The following ADRA1D variants were observed in gnomAD, a reference collection of about 807,000 sequenced individuals.
ADRA1D encodes adrenoceptor alpha 1D.
ADRA1D carries 22 observed loss-of-function variants against 18.6 expected under a neutral mutation model. The observed-to-expected ratio is 1.19, with a 90% CI of 0.85 to 1.69. The LOEUF is 1.69. ADRA1D is among the 40% of genes most tolerant of loss of function. ADRA1D has a pLI of 0.00. For missense variants in ADRA1D, 840 were observed against 840.7 expected, an observed-to-expected ratio of 1.00 and a Z score of 0.01; for synonymous variants, 376 against 388.2, an observed-to-expected ratio of 0.97 and a Z score of 0.37.
chr20:4,223,389 C>G (rs1184990037), intron 1 of ADRA1D, among the ~76,000 whole-genome samples: 1 of 152,096 alleles, frequency 6.6e-6, no homozygotes, highest in East Asian at 1.9e-4. Context: ...ATACGCTTCC[C>G]CAGGTGCCTA....
At chr20:4,231,011 C>T (rs1980941198) in intron 1 of ADRA1D, among the ~76,000 whole-genome samples, 1 of 144,030 alleles carries the variant, frequency 6.9e-6, no homozygotes, top group African/African-American at 2.6e-5. Context: ...TCCTTCTTTG[C>T]TTTCTTTTCT....
chr20:4,245,142 G>A (rs1981305633), intron 1 of ADRA1D, among the ~76,000 whole-genome samples: 1 of 152,224 alleles, frequency 6.6e-6, no homozygotes, highest in African/African-American at 2.4e-5. Context: ...GTGGCCTTTT[G>A]CAGTGTTGAT....
At chr20:4,231,249 C>T (rs1045597977) in intron 1 of ADRA1D, among the ~76,000 whole-genome samples, 1 of 132,900 alleles carries the variant, frequency 7.5e-6, no homozygotes, top group African/African-American at 2.7e-5. Flanking sequence ...AGGCATGTGC[C>T]ACTACACCTG....
At chr20:4,244,750 A>T (rs1168069227) in intron 1 of ADRA1D, among the ~76,000 whole-genome samples, 1 of 152,106 alleles carries the variant, frequency 6.6e-6, no homozygotes, top group African/African-American at 2.4e-5. Flanking sequence ...TCCTGCTCCA[A>T]ATGGGCTCTG....
rs777578933 is a variant in ADRA1D, at chr20:4,221,517, G to C, written c.*6C>G. 1.3e-6 allele frequency: 2 copies of C among 1,599,570 alleles called. No individual in the cohort carries two copies. The highest frequency in any genetic ancestry group is 1.7e-6 in the Non-Finnish European group (2 of 1,168,834). On this transcript the variant is annotated 3_prime_UTR_variant, in exon 2 of 2. Coordinates refer to ENST00000379453, the MANE Select transcript of ADRA1D (RefSeq NM_000678.4). ...CAGCACACTCCGCGGCCTAGCTCTG[G>C]GGTCCTTAAATATCGGTCTCCCGTA...
intron 1 of ADRA1D, among the ~76,000 whole-genome samples, chr20:4,238,658 G>A (rs543980331): frequency 6.6e-6 from 1 of 152,342 alleles, no homozygotes; most frequent in East Asian, 1.9e-4. Context: ...CAAGTGCTCA[G>A]CTAGACCCTG....
At chr20:4,246,615 G>T (rs1181941377) in intron 1 of ADRA1D, among the ~76,000 whole-genome samples, 1 of 152,148 alleles carries the variant, frequency 6.6e-6, no homozygotes, top group Non-Finnish European at 1.5e-5. Flanking sequence ...TCCATTGTAG[G>T]AAGGGGGACC....
chr20:4,238,496 T>C (rs971966810), intron 1 of ADRA1D, among the ~76,000 whole-genome samples: 1 of 151,970 alleles, frequency 6.6e-6, no homozygotes, highest in East Asian at 1.9e-4. Context: ...ACAAAGAGGG[T>C]TGAGGAGTAA....
At chr20:4,241,812 A>G (rs1180368133) in intron 1 of ADRA1D, among the ~76,000 whole-genome samples, 1 of 152,220 alleles carries the variant, frequency 6.6e-6, no homozygotes, top group Non-Finnish European at 1.5e-5. Context: ...CCACCAAAGT[A>G]TGCCTTCCAG....
In ADRA1D at chr20:4,222,120, G is replaced by T; in HGVS notation, c.1122C>A (p.Phe374Leu). The T allele has an allele frequency of 6.2e-7, 1 of 1,612,602 alleles. No homozygotes were observed. The highest frequency in any genetic ancestry group is 8.5e-7 in the Non-Finnish European group (1 of 1,179,434). ...FFFVLPLGSL[F>L]PQLKPSEGVF... ...CGCCCTCCGATGGCTTCAGCTGCGG[G>T]AACAAGGAGCCTGTAGGGAGCAGAG... Residue 374 changes from phenylalanine (F) to leucine (L), a missense_variant, in exon 2 of 2, where the codon TTC becomes TTA. Physicochemically the swap from Phe to Leu is conservative, Grantham distance 22 (BLOSUM62 0). Coordinates refer to ENST00000379453, the MANE Select transcript of ADRA1D (RefSeq NM_000678.4). The surrounding 1 kb of genome is among the most constrained non-coding windows in gnomAD (Gnocchi z 4.3).
intron 1 of ADRA1D, among the ~76,000 whole-genome samples, chr20:4,230,215 C>G (rs1386009650): frequency 6.6e-6 from 1 of 152,172 alleles, no homozygotes; most frequent in Admixed American, 6.5e-5. Context: ...CACCTTCTGT[C>G]CTATTTGAGT....
chr20:4,248,812 C>A lies in ADRA1D; in HGVS notation c.146G>T (p.Gly49Val), dbSNP rs993182978. 9.3e-7 allele frequency: 1 copy of A among 1,073,048 alleles called. No homozygotes were observed. The highest frequency in any genetic ancestry group is 1.1e-6 in the Non-Finnish European group (1 of 888,936). 66.5% of individuals were successfully genotyped at this position (1,073,048 alleles called of 1,614,324 possible). ...CACCACGCCGCCGCCGCCGCCCGCG[C>A]CCCCCGGCACGCCGCCCACCGCCGG... ...EGPAVGGVPG[G>V]AGGGGGVVGA... The change falls in exon 1 of 2, where the codon GGC (glycine) becomes GTC (valine). Residue 49 changes from glycine to valine, a missense_variant. Gly to Val is a moderately radical substitution (Grantham distance 109). Transcript: ENST00000379453.
chr20:4,245,295 C>T (rs551671225), intron 1 of ADRA1D, among the ~76,000 whole-genome samples: 157 of 152,258 alleles, frequency 1.0e-3, no homozygotes, highest in African/African-American at 3.6e-3. Context: ...AATTGAAGAA[C>T]GGTGATACGC....
intron 1 of ADRA1D, among the ~76,000 whole-genome samples, chr20:4,228,980 C>G (rs965906044): frequency 6.6e-6 from 1 of 152,202 alleles, no homozygotes; most frequent in Non-Finnish European, 1.5e-5. Context: ...CCCTCCCAGG[C>G]CCTCAACCTG....
rs1980707154 is a variant in ADRA1D, at chr20:4,222,919, T to G, written c.1112-789A>C. 6.6e-6 allele frequency among the ~76,000 whole-genome samples: 1 copy of G among 152,206 alleles called. No homozygotes were observed. Among genetic ancestry groups the G allele is most frequent in the Admixed American group, 6.5e-5 (1 of 15,286 alleles). On this transcript the variant is annotated intron_variant, in intron 1 of 1. Coordinates refer to ENST00000379453, the MANE Select transcript of ADRA1D (RefSeq NM_000678.4). This position sits in a 1 kb window ranked among gnomAD's most constrained non-coding sequence, Gnocchi z 4.3. Reference sequence around the variant, plus strand: ...CCTCAATAAGACTTCTAAATAAAACTAATGTTAATTTTTTAAAAGCTTTTT... The same window carrying G: ...CCTCAATAAGACTTCTAAATAAAACGAATGTTAATTTTTTAAAAGCTTTTT...
At chr20:4,234,341 T>C (rs1981040452) in intron 1 of ADRA1D, among the ~76,000 whole-genome samples, 1 of 152,184 alleles carries the variant, frequency 6.6e-6, no homozygotes, top group Admixed American at 6.5e-5. Context: ...TCTTTTGGCA[T>C]CACCAGAAGG....
Position 4,247,892 on chromosome 20 carries a change from C to T in ADRA1D, c.1066G>A (p.Val356Ile). The T allele has an allele frequency of 6.3e-7, 1 of 1,591,790 alleles. No homozygotes were observed. Among genetic ancestry groups the T allele is most frequent in the Non-Finnish European group, 8.5e-7 (1 of 1,171,682 alleles). ...AAKTLAIVVG[V>I]FVLCWFPFFF... The stretch of plus-strand genomic sequence containing the variant: ...AAAGGGAACCAGCAGAGCACGAAGA[C>T]ACCCACGACGATGGCCAGAGTCTTG... The change falls in exon 1 of 2, where the codon GTC becomes ATC. Residue 356 changes from valine (V) to isoleucine (I), a missense_variant. Val to Ile is a conservative substitution (Grantham distance 29). Coordinates refer to ENST00000379453, the MANE Select transcript of ADRA1D (RefSeq NM_000678.4).
chr20:4,238,950 T>C (rs1418370385), intron 1 of ADRA1D, among the ~76,000 whole-genome samples: 3 of 151,524 alleles, frequency 2.0e-5, no homozygotes, highest in African/African-American at 7.3e-5. Context: ...GGAGACAAGG[T>C]GAGGGCAGGG....
intron 1 of ADRA1D, among the ~76,000 whole-genome samples, chr20:4,234,291 G>A (rs985192733): frequency 6.6e-6 from 1 of 152,210 alleles, no homozygotes; most frequent in African/African-American, 2.4e-5. Context: ...GAGGACAGAC[G>A]GCGCTGAAGT....
Sources: gnomAD v4.1 joint callset for allele counts (sites outside exome capture counted in the v4.1 genomes callset) on GRCh38, gnomAD v4.1.1 for gene constraint, Gnocchi (gnomAD v3.1) non-coding constraint, MANE v1.5 for transcripts, NCBI Gene and HGNC (gene_info 2026-07-23, HGNC 2026-07-21) for gene names.